The following SOD2 variants were observed in gnomAD, a reference collection of about 807,000 sequenced individuals.
SOD2 encodes the protein superoxide dismutase [Mn], mitochondrial.
Under a neutral mutation model 27.0 loss-of-function variants are expected in SOD2, and 11 were observed. The observed-to-expected ratio is 0.41, with a 90% CI of 0.26 to 0.67. The LOEUF is 0.67. Among genes scored for constraint, SOD2 ranks in the 30% least tolerant of loss-of-function variants. The pLI is 0.34. For synonymous variants in SOD2, 105 were observed against 103.0 expected (o/e 1.02, Z -0.12); for missense variants, 250 against 274.5 (o/e 0.91, Z 0.63).
At chr6:159,737,616 C>T (rs1446374143) in intron 1 of SOD2, among the ~76,000 whole-genome samples, 2 of 152,000 alleles carry the variant, frequency 1.3e-5, no homozygotes, top group Non-Finnish European at 2.9e-5. Context: ...CTTTGCCCCC[C>T]AAAGTAGCTC....
At chr6:159,749,061 C>T (rs746963545), upstream of SOD2, 14 of 989,934 alleles carry the variant, frequency 1.4e-5, no homozygotes, top group African/African-American at 1.7e-5. Context: ...CTCTATATTA[C>T]TTGCTTGAGC....
At position 159,684,942 on chromosome 6, in the gene SOD2, T is replaced by C. The variant is rs933758536; in HGVS notation, c.435A>G (p.Ser145=). ...TATTGAAACCAAGCCAACCCCAACC[T>C]GAGCCTTGGACACCAACAGATGCAG... ...LTAASVGVQG[S]GWGWLGFNKE... is the part of the protein sequence containing the mutation. The change falls in exon 4 of 5, where the codon TCA becomes TCG. Residue 145 remains serine (S), a synonymous_variant. Transcript: ENST00000538183. 1 of 1,613,752 alleles carries C rather than the reference T, an allele frequency of 6.2e-7. No individual in the cohort carries two copies. The highest frequency in any genetic ancestry group is 1.3e-5 in the African/African-American group (1 of 74,890).
At chr6:159,707,319 A>G (rs1366192436) in intron 1 of SOD2, among the ~76,000 whole-genome samples, 14 of 152,208 alleles carry the variant, frequency 9.2e-5, no homozygotes, top group Admixed American at 8.5e-4. Context: ...AAAAAAATCA[A>G]TGAATCCAGA....
intron 1 of SOD2, among the ~76,000 whole-genome samples, chr6:159,711,993 A>T (rs372440437): frequency 0.033 from 1,158 of 35,092 alleles, 8 homozygotes; most frequent in South Asian, 0.044. Flanking sequence ...CACACTGCTC[A>T]GACCTCCATA....
rs548122761 is a variant in SOD2, at chr6:159,712,151, G to A, written c.-116+14978C>T. 2.3e-3 allele frequency among the ~76,000 whole-genome samples: 66 copies of A among 28,408 alleles called. 7 individuals carry two copies. The highest frequency in any genetic ancestry group is 9.4e-3 in the South Asian group (3 of 320). 18.6% of individuals were successfully genotyped at this position (28,408 alleles called of 152,430 possible). A position where few individuals can be genotyped will look rare whatever the true frequency, so the allele number is the denominator to read the frequency against. On this transcript the variant is annotated intron_variant, in intron 1 of 2. Transcript: ENST00000401980. ...TAACCACCTCCATAACCACCACTCA[G>A]CTGCTCTGACCACCATAACCACCTC...
At chr6:159,685,146 A>T (rs1197884125) in intron 3 of SOD2, 113 bp from the exon 4 acceptor site, 1 of 575,766 alleles carries the variant, frequency 1.7e-6, no homozygotes, top group Non-Finnish European at 2.6e-6. Flanking sequence ...AAGAAATTAG[A>T]CAACATCAGA....
chr6:159,687,033 A>T (rs1780220355), intron 3 of SOD2, among the ~76,000 whole-genome samples: 1 of 152,252 alleles, frequency 6.6e-6, no homozygotes, highest in Non-Finnish European at 1.5e-5. Flanking sequence ...TTCCTGGAAC[A>T]ACTGACTTTT....
intron 1 of SOD2, among the ~76,000 whole-genome samples, chr6:159,722,008 C>T (rs2114839600): frequency 6.6e-6 from 1 of 151,554 alleles, no homozygotes; most frequent in Admixed American, 6.6e-5. Flanking sequence ...TATTAGCTGG[C>T]ATCCTATAGT....
chr6:159,719,368 T>C (rs1197736936), intron 1 of SOD2, among the ~76,000 whole-genome samples: 2 of 152,074 alleles, frequency 1.3e-5, no homozygotes, highest in Non-Finnish European at 2.9e-5. Context: ...ACTATGTCTC[T>C]ACTCATGTCT....
chr6:159,702,185 T>C (rs746116244), intron 1 of SOD2, among the ~76,000 whole-genome samples: 11 of 152,190 alleles, frequency 7.2e-5, no homozygotes, highest in Non-Finnish European at 1.6e-4. Context: ...GCATTTGTAG[T>C]GGCTAACACC....
intron 1 of SOD2, chr6:159,743,897 T>G: frequency 8.1e-7 from 1 of 1,232,026 alleles, no homozygotes; most frequent in Non-Finnish European, 1.1e-6. Context: ...TAAGAGCTTA[T>G]CTTTTATAGG....
intron 1 of SOD2, among the ~76,000 whole-genome samples, chr6:159,738,432 A>C (rs1482362631): frequency 6.6e-6 from 1 of 151,806 alleles, no homozygotes; most frequent in East Asian, 1.9e-4. Context: ...GTTTCTTTTT[A>C]TTGCTTAAAG....
upstream of SOD2, chr6:159,749,291 C>A (rs1779736039): frequency 1.0e-6 from 1 of 985,606 alleles, no homozygotes; most frequent in Admixed American, 6.2e-5. Context: ...TTTATGAAAT[C>A]CCCGTTCCAT....
intron 1 of SOD2, among the ~76,000 whole-genome samples, chr6:159,756,695 C>T (rs554659074): frequency 1.4e-5 from 2 of 147,384 alleles, no homozygotes; most frequent in African/African-American, 5.0e-5. Context: ...TCAAAGTCCT[C>T]GACTCAAGTG....
chr6:159,708,058 A>C (rs1228234709), intron 1 of SOD2, among the ~76,000 whole-genome samples: 2 of 152,258 alleles, frequency 1.3e-5, no homozygotes, highest in Non-Finnish European at 2.9e-5. Flanking sequence ...GCCTTGGACA[A>C]AATTCAACAG....
chr6:159,685,631 T>C (rs5746126), intron 3 of SOD2, among the ~76,000 whole-genome samples: 49 of 152,100 alleles, frequency 3.2e-4, no homozygotes, highest in African/African-American at 1.1e-3. Context: ...ATTGATGCCA[T>C]CACCCAGGTA....
chr6:159,736,367 A>G lies in SOD2; in HGVS notation c.-116+8763T>C, dbSNP rs948119360. On this transcript the variant is annotated intron_variant, in intron 1 of 3. Transcript: ENST00000537657. Reference sequence around the variant, plus strand: ...GGGGGCTTTTTTAAGCACTTTAAAAAAAAATAGACTTGAAGGGATTATCGT... The same window carrying G: ...GGGGGCTTTTTTAAGCACTTTAAAAGAAAATAGACTTGAAGGGATTATCGT... 2.1e-4 allele frequency: 248 copies of G among 1,201,792 alleles called. 2 individuals are homozygous for G. The highest frequency in any genetic ancestry group is 2.7e-5 in the Non-Finnish European group (22 of 826,868). The allele number at this position is 1,201,792 out of a possible 1,614,324, so 74.4% of individuals were successfully genotyped here. A position where few individuals can be genotyped will look rare whatever the true frequency, so the allele number is the denominator to read the frequency against.
At chr6:159,728,742 C>T (rs1443106380), upstream of SOD2, among the ~76,000 whole-genome samples, 6 of 152,200 alleles carry the variant, frequency 3.9e-5, no homozygotes, top group Non-Finnish European at 1.5e-5. Context: ...GGAAAGATTG[C>T]AGTCCGCAAA....
At chr6:159,757,456 A>G (rs965019621) in intron 1 of SOD2, among the ~76,000 whole-genome samples, 1 of 145,420 alleles carries the variant, frequency 6.9e-6, no homozygotes, top group Non-Finnish European at 1.5e-5. Flanking sequence ...TCTGCCACCC[A>G]GGCTGGAGTG....
Sources: gnomAD v4.1 joint callset for allele counts (sites outside exome capture counted in the v4.1 genomes callset) on GRCh38, gnomAD v4.1.1 for gene constraint, MANE v1.5 for transcripts, NCBI Gene and HGNC (gene_info 2026-07-23, HGNC 2026-07-21) for gene names.